The following SRPRB variants were observed in gnomAD, a reference collection of about 807,000 sequenced individuals.
The protein encoded by SRPRB is SRP receptor subunit beta, also known as signal recognition particle receptor subunit beta.
Under a neutral mutation model 31.9 loss-of-function variants are expected in SRPRB, and 20 were observed. The ratio of observed to expected loss-of-function variants is 0.63; its 90% CI spans 0.44 to 0.91. The LOEUF is 0.91. SRPRB is among the 40% of genes least tolerant of loss of function. The pLI is 0.00. For synonymous variants in SRPRB, 146 were observed against 132.8 expected, an observed-to-expected ratio of 1.10 and a Z score of -0.68; for missense variants, 321 against 324.9, an observed-to-expected ratio of 0.99 and a Z score of 0.09.
chr3:133,816,367 A>G (rs1311560169), intron 5 of SRPRB, among the ~76,000 whole-genome samples: 1 of 152,232 alleles, frequency 6.6e-6, no homozygotes, highest in East Asian at 1.9e-4. Flanking sequence ...CTGATTGAAT[A>G]TAAGGAAGGG....
chr3:133,812,512 AACTT>A (rs553300201), intron 4 of SRPRB, among the ~76,000 whole-genome samples: 3 of 152,360 alleles, frequency 2.0e-5, no homozygotes, highest in African/African-American at 7.2e-5. Flanking sequence ...ATGAAGATAA[AACTT>A]AGTTCAAATA....
chr3:133,808,530 CCTTTG>C (rs1187352886), intron 3 of SRPRB, among the ~76,000 whole-genome samples: 2 of 152,048 alleles, frequency 1.3e-5, no homozygotes, highest in African/African-American at 4.8e-5. Flanking sequence ...GTTATTATAA[CCTTTG>C]CTTTTACAAA....
At chr3:133,826,760 G>T (rs895398364), downstream of SRPRB, 4 of 152,628 alleles carry the variant, frequency 2.6e-5, no homozygotes, top group Admixed American at 1.3e-4. Flanking sequence ...ACAATCACAA[G>T]TTATTTGACA....
Position 133,819,460 on chromosome 3 carries a change from G to A in SRPRB, c.603-93G>A, listed in dbSNP as rs1040284715. ...GCATAATTGGCAATTCTATAGTTAA[G>A]TTTTAAATGAGTGCTGAAATGTTTA... On this transcript the variant is annotated intron_variant, in intron 6 of 6. Coordinates refer to ENST00000678299, the MANE Select transcript of SRPRB (RefSeq NM_001379313.1). 1.0e-4 allele frequency: 124 copies of A among 1,187,412 alleles called. 1 individual carries two copies. The highest frequency in any genetic ancestry group is 8.2e-5 in the Admixed American group (4 of 48,650). The allele number at this position is 1,187,412 out of a possible 1,614,324, so 73.6% of individuals were successfully genotyped here.
chr3:133,790,271 A>G lies in SRPRB; in HGVS notation c.-174+6127A>G, dbSNP rs576929516. 3 of 152,344 alleles carry G rather than the reference A, an allele frequency of 2.0e-5. No homozygotes were observed. In the East Asian group the frequency reaches 5.8e-4, roughly 29 times the overall value. The allele number at this position is 152,344 out of a possible 1,614,324, so 9.4% of individuals were successfully genotyped here. ...TAAAATTGTGGAATTGTTCTTAACT[A>G]TAAATTCCCATATCTGATAGTTCAG... On this transcript the variant is annotated intron_variant, in intron 1 of 7. Coordinates refer to the SRPRB transcript ENST00000466490.
downstream of SRPRB, among the ~76,000 whole-genome samples, chr3:133,821,923 C>G (rs148257118): frequency 1.5e-4 from 23 of 152,316 alleles, no homozygotes; most frequent in East Asian, 1.5e-3. Context: ...CATGGGAACT[C>G]TGACCTTGCT....
chr3:133,798,612 G>A (rs1935014910), intron 1 of SRPRB, among the ~76,000 whole-genome samples: 1 of 152,150 alleles, frequency 6.6e-6, no homozygotes, highest in Non-Finnish European at 1.5e-5. Flanking sequence ...AATAGATTGA[G>A]TTGGTGTAGT....
At chr3:133,790,080 A>C (rs1342387966) in intron 1 of SRPRB, 2 of 152,188 alleles carry the variant, frequency 1.3e-5, no homozygotes, top group Non-Finnish European at 2.9e-5. Context: ...TTCGGTTTAC[A>C]GAGGTAATCT....
downstream of SRPRB, chr3:133,825,350 A>T (rs893501890): frequency 6.6e-6 from 1 of 152,210 alleles, no homozygotes; most frequent in Non-Finnish European, 1.5e-5. Context: ...ATGTGTCTGC[A>T]CTCTTAACTA....
In SRPRB at chr3:133,808,906, T is replaced by A. The variant is rs868060974; in HGVS notation, c.327+1083T>A. Among the ~76,000 whole-genome samples the A allele has an allele frequency of 1.3e-3, 165 of 128,816 alleles. 2 individuals carry two copies. The highest frequency in any genetic ancestry group is 5.0e-3 in the African/African-American group (131 of 26,246). The allele number at this position is 128,816 out of a possible 152,430, so 84.5% of individuals were successfully genotyped here. On this transcript the variant is annotated intron_variant, in intron 3 of 6. Coordinates refer to ENST00000678299, the MANE Select transcript of SRPRB (RefSeq NM_001379313.1). ...CTAAGTCTCAAAAAAAAAAAAAAAA[T>A]ATAAGGAATCATGGGAAAGACATTT... is the stretch of plus-strand genomic sequence containing the variant.
chr3:133,810,221 G>GTGCATTA (rs1387013933), intron 3 of SRPRB: 1 of 152,198 alleles, frequency 6.6e-6, no homozygotes, highest in Non-Finnish European at 1.5e-5. Context: ...CACAGGCTAT[G>GTGCATTA]TGAAAGGTAA....
Position 133,819,093 on chromosome 3 carries a change from A to G in SRPRB, c.603-460A>G, listed in dbSNP as rs142034270. Among the ~76,000 whole-genome samples the G allele has an allele frequency of 5.8e-4, 89 of 152,312 alleles. 4 individuals carry two copies. The highest frequency in any genetic ancestry group is 2.1e-3 in the African/African-American group (86 of 41,572). Reference sequence around the variant, plus strand: ...GGTTGGATAATAGTAATTCTGCCCTAGTTAGATATGAGAATCTGGAGTTGG... The same window carrying G: ...GGTTGGATAATAGTAATTCTGCCCTGGTTAGATATGAGAATCTGGAGTTGG... On this transcript the variant is annotated intron_variant, in intron 6 of 6. Coordinates refer to ENST00000678299, the MANE Select transcript of SRPRB (RefSeq NM_001379313.1).
chr3:133,808,882 T>C (rs1447107585), intron 3 of SRPRB, among the ~76,000 whole-genome samples: 1 of 120,054 alleles, frequency 8.3e-6, no homozygotes, highest in African/African-American at 3.2e-5. Context: ...AGAGCGAGAC[T>C]AAGTCTCAAA....
In SRPRB at chr3:133,820,573, C is replaced by T. The variant is rs749579719; in HGVS notation, c.*807C>T. The T allele has an allele frequency of 6.6e-5, 10 of 152,004 alleles. No individual in the cohort carries two copies. Among genetic ancestry groups the T allele is most frequent in the South Asian group, 2.1e-4 (1 of 4,818 alleles). 9.4% of individuals were successfully genotyped at this position (152,004 alleles called of 1,614,324 possible). A position where few individuals can be genotyped will look rare whatever the true frequency, so the allele number is the denominator to read the frequency against. On this transcript the variant is annotated 3_prime_UTR_variant, in exon 7 of 7. Coordinates refer to ENST00000678299, the MANE Select transcript of SRPRB (RefSeq NM_001379313.1). ...CTGCTTGAAGAGCTCCTATTTTGTA[C>T]TCCTGGCTAGAATGCTGTGGAACAA...
intron 5 of SRPRB, among the ~76,000 whole-genome samples, chr3:133,816,525 G>T (rs1227165190): frequency 6.6e-6 from 1 of 152,110 alleles, no homozygotes; most frequent in African/African-American, 2.4e-5. Context: ...ACTGTCTTTT[G>T]GCATGTGAAG....
intron 3 of SRPRB, 121 bp from the exon 4 acceptor site, chr3:133,810,996 C>T (rs1295107871): frequency 2.2e-6 from 2 of 914,786 alleles, no homozygotes; most frequent in Non-Finnish European, 3.3e-6. Context: ...GTAGAAGATG[C>T]TTTGTGAACA....
chr3:133,785,494 T>TGG (rs1268950628), intron 1 of SRPRB: 2 of 63,450 alleles, frequency 3.2e-5, no homozygotes, highest in African/African-American at 1.3e-4. Flanking sequence ...GGGAGGGAGG[T>TGG]GGGGGGGGTC....
At chr3:133,804,819 C>A (rs1196237888), upstream of SRPRB, among the ~76,000 whole-genome samples, 1 of 152,152 alleles carries the variant, frequency 6.6e-6, no homozygotes, top group Admixed American at 6.5e-5. Context: ...CTTTCAGTGA[C>A]ACTGACATCT....
At chr3:133,786,740 A>G (rs191971077) in intron 1 of SRPRB, 1 of 152,338 alleles carries the variant, frequency 6.6e-6, no homozygotes, top group East Asian at 1.9e-4. Context: ...GTAGGCCAGA[A>G]TGTTCATACT....
Sources: allele counts gnomAD v4.1 joint callset (sites outside exome capture counted in the v4.1 genomes callset), GRCh38; gene constraint gnomAD v4.1.1; transcripts MANE v1.5; gene names NCBI Gene and HGNC (gene_info 2026-07-23, HGNC 2026-07-21).